The following PLEKHH2 variants were observed in gnomAD, a reference collection of about 807,000 sequenced individuals.
PLEKHH2 encodes the protein pleckstrin homology, MyTH4 and FERM domain containing H2, also known as pleckstrin homology domain-containing family H member 2.
In PLEKHH2, 129 loss-of-function variants were observed where a neutral mutation model predicts 187.9. That is an observed-to-expected ratio of 0.69 (90% CI 0.59 to 0.79). PLEKHH2 has a LOEUF of 0.79. PLEKHH2 is among the 30% of genes least tolerant of loss of function. PLEKHH2 has a pLI of 0.00. For synonymous variants in PLEKHH2, 686 were observed against 605.6 expected (o/e 1.13, Z -1.95); for missense variants, 2,076 against 1,751.2 (o/e 1.19, Z -3.31).
chr2:43,711,324 C>T, intron 14 of PLEKHH2: 1 of 985,358 alleles, frequency 1.0e-6, no homozygotes, highest in Non-Finnish European at 1.2e-6. Context: ...AAAGGAGAAT[C>T]AAGGAAAGCT....
Position 43,681,677 on chromosome 2 carries a change from C to T in PLEKHH2, c.186+2752C>T, listed in dbSNP as rs1045947661. 3.7e-5 allele frequency: 21 copies of T among 574,788 alleles called. 1 individual carries two copies. Among genetic ancestry groups the T allele is most frequent in the South Asian group, 1.3e-4 (6 of 45,626 alleles). The allele number at this position is 574,788 out of a possible 1,614,324, so 35.6% of individuals were successfully genotyped here. On this transcript the variant is annotated intron_variant, in intron 3 of 29. Transcript: ENST00000282406. Reference sequence around the variant, plus strand: ...ACCAGATCTGAATCACTCAACCAAACGCTCTTACTCCATCAGGCCACTGAG... The same window carrying T: ...ACCAGATCTGAATCACTCAACCAAATGCTCTTACTCCATCAGGCCACTGAG...
chr2:43,753,654 A>C lies in PLEKHH2; in HGVS notation c.3689A>C (p.Asp1230Ala). ...YFSVQARGET[D>A]REKLLLMYQT... is the part of the protein sequence containing the mutation. Reference sequence around the variant, plus strand: ...TCAGTGCAAGCTCGTGGAGAGACTGATAGAGAAAAGTTGCTGTTAATGTAT... The same window carrying C: ...TCAGTGCAAGCTCGTGGAGAGACTGCTAGAGAAAAGTTGCTGTTAATGTAT... The change falls in exon 25 of 30, where the codon GAT (aspartate) becomes GCT (alanine). Residue 1230 changes from aspartate (D) to alanine (A), a missense_variant. Asp to Ala is a moderately radical substitution (Grantham distance 126). Coordinates refer to ENST00000282406, the MANE Select transcript of PLEKHH2 (RefSeq NM_172069.4). The C allele has an allele frequency of 6.4e-7, 1 of 1,571,394 alleles. No individual in the cohort carries two copies. The highest frequency in any genetic ancestry group is 1.2e-5 in the South Asian group (1 of 81,332).
chr2:43,676,339 C>T (rs1182339920), intron 2 of PLEKHH2: 2 of 1,572,292 alleles, frequency 1.3e-6, no homozygotes, highest in Admixed American at 1.8e-5. Context: ...GGCGTTAGGA[C>T]AGTGTGCCAG....
At chr2:43,764,628 A>T (rs775938974) in intron 29 of PLEKHH2, among the ~76,000 whole-genome samples, 6 of 152,198 alleles carry the variant, frequency 3.9e-5, no homozygotes, top group Non-Finnish European at 8.8e-5. Context: ...AAATGAAGGA[A>T]GTTTGTAGGG....
intron 25 of PLEKHH2, among the ~76,000 whole-genome samples, chr2:43,756,373 A>T (rs895935777): frequency 6.6e-6 from 1 of 151,818 alleles, no homozygotes; most frequent in Non-Finnish European, 1.5e-5. Flanking sequence ...GCTGACTGCA[A>T]CCTCCGCCTC....
chr2:43,647,118 A>G (rs75847684), intron 2 of PLEKHH2, among the ~76,000 whole-genome samples: 284 of 152,284 alleles, frequency 1.9e-3, no homozygotes, highest in African/African-American at 6.3e-3. Context: ...TAAGCTCTGT[A>G]TAGGTATGGT....
At chr2:43,761,410 CTTT>C (rs568339874) in intron 27 of PLEKHH2, among the ~76,000 whole-genome samples, 9 of 117,632 alleles carry the variant, frequency 7.7e-5, no homozygotes, top group African/African-American at 9.6e-5. Flanking sequence ...TAGCTTTTAG[CTTT>C]TTTTTTTTTT....
At chr2:43,693,480 C>G (rs1056950736) in intron 4 of PLEKHH2, among the ~76,000 whole-genome samples, 2 of 152,164 alleles carry the variant, frequency 1.3e-5, no homozygotes, top group Non-Finnish European at 2.9e-5. Flanking sequence ...AATCCCAGCA[C>G]TTTGGGAGGC....
intron 2 of PLEKHH2, among the ~76,000 whole-genome samples, chr2:43,647,910 T>A (rs182638431): frequency 2.6e-5 from 4 of 152,298 alleles, no homozygotes; most frequent in Admixed American, 2.6e-4. Flanking sequence ...GGAAGCTGAC[T>A]CTAGCGGCCA....
At chr2:43,754,819 A>G (rs1389527598) in intron 25 of PLEKHH2, among the ~76,000 whole-genome samples, 3 of 150,776 alleles carry the variant, frequency 2.0e-5, no homozygotes, top group Non-Finnish European at 4.4e-5. Flanking sequence ...AGTGTTTCCC[A>G]GATCTTTTTT....
chr2:43,641,890 G>A (rs1665951466), intron 1 of PLEKHH2, among the ~76,000 whole-genome samples: 1 of 152,160 alleles, frequency 6.6e-6, no homozygotes, highest in Non-Finnish European at 1.5e-5. Flanking sequence ...CTACTGTATA[G>A]CTTTGTAGTA....
chr2:43,713,968 T>A (rs1303985419), intron 15 of PLEKHH2, among the ~76,000 whole-genome samples: 4 of 152,208 alleles, frequency 2.6e-5, no homozygotes. Context: ...AAATATACTA[T>A]GTACTATGTT....
intron 2 of PLEKHH2, 68 bp from the exon 3 acceptor site, chr2:43,678,795 A>T: frequency 8.4e-7 from 1 of 1,189,026 alleles, no homozygotes; most frequent in Non-Finnish European, 1.2e-6. Flanking sequence ...AGATTTTTAA[A>T]GCCTTTTTCA....
chr2:43,698,534 C>G (rs553847887), intron 7 of PLEKHH2, among the ~76,000 whole-genome samples: 1 of 152,322 alleles, frequency 6.6e-6, no homozygotes, highest in African/African-American at 2.4e-5. Flanking sequence ...CCGGTGTGAG[C>G]CACTGCACCC....
intron 2 of PLEKHH2, among the ~76,000 whole-genome samples, chr2:43,677,155 T>G (rs184374664): frequency 6.6e-6 from 1 of 152,206 alleles, no homozygotes; most frequent in East Asian, 1.9e-4. Context: ...ATTTAACTCA[T>G]CTCCAGTGAA....
chr2:43,677,460 A>G (rs1479966990), intron 2 of PLEKHH2, among the ~76,000 whole-genome samples: 2 of 152,100 alleles, frequency 1.3e-5, no homozygotes, highest in African/African-American at 4.8e-5. Flanking sequence ...AACGCCCTTA[A>G]TCCATTTAAC....
chr2:43,744,063 T>C, intron 23 of PLEKHH2, 74 bp downstream of exon 23: 1 of 1,530,612 alleles, frequency 6.5e-7, no homozygotes, highest in South Asian at 1.3e-5. Context: ...AAGAGTAAAC[T>C]TTGCAAGAAG....
chr2:43,644,313 C>G (rs893964638), intron 1 of PLEKHH2, among the ~76,000 whole-genome samples: 1 of 152,096 alleles, frequency 6.6e-6, no homozygotes, highest in African/African-American at 2.4e-5. Context: ...GTTATACTGT[C>G]TGTTCTACTA....
At chr2:43,719,935 C>T (rs1005097646) in intron 15 of PLEKHH2, among the ~76,000 whole-genome samples, 4 of 151,952 alleles carry the variant, frequency 2.6e-5, no homozygotes, top group Non-Finnish European at 5.9e-5. Flanking sequence ...AGCCACATGG[C>T]TATTGGAAAT....
Sources: allele counts gnomAD v4.1 joint callset (sites outside exome capture counted in the v4.1 genomes callset), GRCh38; gene constraint gnomAD v4.1.1; transcripts MANE v1.5; gene names NCBI Gene and HGNC (gene_info 2026-07-23, HGNC 2026-07-21).